The following SDHC variants were observed in gnomAD, a reference collection of about 807,000 sequenced individuals.
SDHC encodes succinate dehydrogenase cytochrome b560 subunit, mitochondrial.
A neutral mutation model predicts 22.6 loss-of-function variants in SDHC; 11 were observed. That is an observed-to-expected ratio of 0.49 (90% confidence interval 0.31 to 0.81). The LOEUF is 0.81. SDHC is among the 30% of genes least tolerant of loss of function. The pLI is 0.05. For synonymous variants in SDHC, 80 were observed against 77.8 expected (o/e 1.03, Z -0.15); for missense variants, 160 against 212.0 (o/e 0.75, Z 1.52).
chr1:161,332,045 A>G (rs1558169311), intron 3 of SDHC, among the ~76,000 whole-genome samples: 1 of 151,830 alleles, frequency 6.6e-6, no homozygotes, highest in East Asian at 1.9e-4. Flanking sequence ...TGGTGTGATC[A>G]TAGCTCGTTG....
intron 1 of SDHC, 145 bp downstream of exon 1, chr1:161,314,570 G>C: frequency 1.0e-6 from 1 of 961,408 alleles, no homozygotes; most frequent in Non-Finnish European, 1.6e-6. Flanking sequence ...GGGGATCCTA[G>C]AGACCCCTTT....
At chr1:161,324,532 A>G (rs1008771075) in intron 2 of SDHC, among the ~76,000 whole-genome samples, 8 of 152,238 alleles carry the variant, frequency 5.3e-5, no homozygotes, top group African/African-American at 1.9e-4. Context: ...AGTTCTACAT[A>G]TCTTTCACCC....
At chr1:161,323,852 C>G (rs111230586) in intron 2 of SDHC, among the ~76,000 whole-genome samples, 182 bp downstream of exon 2, 1 of 152,092 alleles carries the variant, frequency 6.6e-6, no homozygotes, top group African/African-American at 2.4e-5. Context: ...CCCACCACCA[C>G]GCCTGGCTAA....
chr1:161,315,764 A>T (rs1670586432), intron 1 of SDHC, among the ~76,000 whole-genome samples: 1 of 152,068 alleles, frequency 6.6e-6, no homozygotes, highest in Admixed American at 6.6e-5. Context: ...GTGGAACGAG[A>T]GACTTGGAAA....
At chr1:161,349,846 C>T (rs1178792780) in intron 4 of SDHC, among the ~76,000 whole-genome samples, 1 of 152,210 alleles carries the variant, frequency 6.6e-6, no homozygotes, top group East Asian at 1.9e-4. Context: ...TTTGTCACCA[C>T]ACCTGCCACC....
chr1:161,327,103 A>AT (rs1278498579), intron 2 of SDHC, among the ~76,000 whole-genome samples: 1 of 151,796 alleles, frequency 6.6e-6, no homozygotes, highest in Non-Finnish European at 1.5e-5. Flanking sequence ...TTTTCTTTGC[A>AT]TTTTTTGTGG....
intron 1 of SDHC, among the ~76,000 whole-genome samples, chr1:161,317,601 G>T (rs1483156395): frequency 5.9e-5 from 7 of 118,340 alleles, no homozygotes; most frequent in South Asian, 5.8e-4. Context: ...TCACCCTGTC[G>T]CCCAGGCTGG....
Position 161,362,647 on chromosome 1 carries a change from A to G in SDHC, c.*214A>G, listed in dbSNP as rs1393772759. ...TTGTTTCTAAAGATGAGGTGGCTGC[A>G]AAAACTCCCCTTTTTTGCCCACAGC... On this transcript the variant is annotated 3_prime_UTR_variant, in exon 6 of 6. Coordinates refer to ENST00000367975, the MANE Select transcript of SDHC (RefSeq NM_003001.5). 9.2e-6 allele frequency: 14 copies of G among 1,528,530 alleles called. No individual in the cohort carries two copies. The East Asian group carries it at 3.1e-4, about 34-fold the overall frequency. 94.7% of individuals were successfully genotyped at this position (1,528,530 alleles called of 1,614,324 possible).
chr1:161,328,438 G>C lies in SDHC; in HGVS notation c.120G>C (p.Arg40=), dbSNP rs36097930. The change falls in exon 3 of 6, where the codon CGG becomes CGC. Residue 40 remains arginine (R), a synonymous_variant. Coordinates refer to ENST00000367975, the MANE Select transcript of SDHC (RefSeq NM_003001.5). ...CCACGGCCAAAGAAGAGATGGAGCG[G>C]TTCTGGAATAAGAATATAGGTTCAA... ...LGTTAKEEME[R]FWNKNIGSNR... The C allele has an allele frequency of 6.2e-7, 1 of 1,613,884 alleles. No homozygotes were observed. The highest frequency in any genetic ancestry group is 8.5e-7 in the Non-Finnish European group (1 of 1,179,794).
chr1:161,339,445 A>T, intron 3 of SDHC: 1 of 411,402 alleles, frequency 2.4e-6, no homozygotes, highest in Non-Finnish European at 4.0e-6. Flanking sequence ...GGCCTCCCAA[A>T]GTACTAGGAT....
chr1:161,350,591 A>T (rs35006684), intron 4 of SDHC, among the ~76,000 whole-genome samples: 24,954 of 151,956 alleles, frequency 0.16, 2,181 homozygotes, highest in South Asian at 0.24. Context: ...GGTATTTTTT[A>T]AAAAAAATCA....
intron 3 of SDHC, among the ~76,000 whole-genome samples, chr1:161,338,592 A>C (rs979782474): frequency 2.6e-5 from 4 of 152,256 alleles, no homozygotes; most frequent in Non-Finnish European, 4.4e-5. Context: ...TTGATGATGA[A>C]AAGTATTTCA....
chr1:161,329,995 A>C (rs1421693923), intron 3 of SDHC, among the ~76,000 whole-genome samples: 2 of 152,154 alleles, frequency 1.3e-5, no homozygotes, highest in Non-Finnish European at 2.9e-5. Context: ...CTCCATCTCA[A>C]GGTCTTTAAT....
chr1:161,320,828 AT>A (rs71270444), intron 1 of SDHC, among the ~76,000 whole-genome samples: 195 of 127,598 alleles, frequency 1.5e-3, no homozygotes, highest in Admixed American at 2.3e-3. Flanking sequence ...TTCAGTCTTG[AT>A]TTTTTTTTTT....
At chr1:161,333,033 C>T (rs1316358865) in intron 3 of SDHC, among the ~76,000 whole-genome samples, 1 of 152,238 alleles carries the variant, frequency 6.6e-6, no homozygotes, top group African/African-American at 2.4e-5. Context: ...CAGTTATTTA[C>T]TTTCCATCTT....
At chr1:161,319,208 C>T (rs888497416) in intron 1 of SDHC, among the ~76,000 whole-genome samples, 6 of 150,952 alleles carry the variant, frequency 4.0e-5, no homozygotes, top group South Asian at 2.1e-4. Flanking sequence ...GCAATAGGAG[C>T]GAAACTCTGT....
intron 4 of SDHC, among the ~76,000 whole-genome samples, chr1:161,346,421 C>G (rs565709879): frequency 2.2e-4 from 33 of 149,572 alleles, no homozygotes; most frequent in Middle Eastern, 6.9e-3. Context: ...TTTTTCGAGA[C>G]AGAGTTTCGC....
chr1:161,320,920 G>A (rs1020531491), intron 1 of SDHC, among the ~76,000 whole-genome samples: 2 of 148,740 alleles, frequency 1.3e-5, no homozygotes, highest in East Asian at 2.0e-4. Context: ...TCTGCCTCGC[G>A]GGTTCAAGCG....
intron 4 of SDHC, among the ~76,000 whole-genome samples, chr1:161,349,859 G>A (rs1378404297): frequency 6.6e-6 from 1 of 152,104 alleles, no homozygotes; most frequent in African/African-American, 2.4e-5. Flanking sequence ...CTGCCACCAA[G>A]CCTCAGTATT....
Sources: allele counts gnomAD v4.1 joint callset (sites outside exome capture counted in the v4.1 genomes callset), GRCh38; gene constraint gnomAD v4.1.1; transcripts MANE v1.5; gene names NCBI Gene and HGNC (gene_info 2026-07-23, HGNC 2026-07-21).